The following ADAMTS19 variants were observed in gnomAD, a reference collection of about 807,000 sequenced individuals.
ADAMTS19 encodes the protein ADAM metallopeptidase with thrombospondin type 1 motif 19, also known as A disintegrin and metalloproteinase with thrombospondin motifs 19.
In ADAMTS19, 93 loss-of-function variants were observed where a neutral mutation model predicts 153.3. That is an observed-to-expected ratio of 0.61 (90% CI 0.51 to 0.72). The LOEUF (loss-of-function observed/expected upper bound fraction) is 0.72. Ranked by LOEUF, ADAMTS19 falls within the 30% of genes least tolerant of loss-of-function variation. The pLI is 0.00. For synonymous variants in ADAMTS19, 600 were observed against 556.6 expected (o/e 1.08, Z -1.10); for missense variants, 1,482 against 1,552.1 (o/e 0.95, Z 0.76).
At chr5:129,534,320 C>T (rs1159705697) in intron 6 of ADAMTS19, among the ~76,000 whole-genome samples, 1 of 152,094 alleles carries the variant, frequency 6.6e-6, no homozygotes. Flanking sequence ...ACTAGAAAAT[C>T]TAGAAGAAAT....
intron 21 of ADAMTS19, among the ~76,000 whole-genome samples, chr5:129,709,515 T>A (rs769174927): frequency 6.6e-6 from 1 of 152,158 alleles, no homozygotes; most frequent in Non-Finnish European, 1.5e-5. Flanking sequence ...TCCTAAGTTG[T>A]TAGCACTCTA....
rs142585272 is a variant in ADAMTS19, at chr5:129,586,621, C to T, written c.1373-9938C>T. ...TAAAGCTGCTATAAACATCCATGTG[C>T]AGGATTTTGTATGGACATAAATTTT... On this transcript the variant is annotated intron_variant, in intron 7 of 22. Coordinates refer to ENST00000274487, the MANE Select transcript of ADAMTS19 (RefSeq NM_133638.6). Among the ~76,000 whole-genome samples the T allele has an allele frequency of 3.8e-3, 578 of 152,270 alleles. 5 individuals are homozygous for T. The highest frequency in any genetic ancestry group is 0.013 in the African/African-American group (554 of 41,554).
intron 3 of ADAMTS19, among the ~76,000 whole-genome samples, chr5:129,525,294 A>C (rs975678790): frequency 2.0e-5 from 3 of 152,098 alleles, no homozygotes; most frequent in African/African-American, 7.2e-5. Context: ...ATTTGTCCCC[A>C]CAGTCTTGTC....
At chr5:129,660,915 C>G (rs779828539) in intron 15 of ADAMTS19, among the ~76,000 whole-genome samples, 9 of 152,170 alleles carry the variant, frequency 5.9e-5, no homozygotes, top group Admixed American at 1.3e-4. Context: ...CCTCTTCCTT[C>G]TCTAAGTTCT....
chr5:129,732,813 A>G (rs564369464), intron 21 of ADAMTS19, among the ~76,000 whole-genome samples: 2 of 152,122 alleles, frequency 1.3e-5, no homozygotes, highest in South Asian at 2.1e-4. Flanking sequence ...GGGAAAAAAA[A>G]TCCTGAAATT....
chr5:129,560,665 T>C (rs1354356045), intron 7 of ADAMTS19, among the ~76,000 whole-genome samples: 2 of 152,204 alleles, frequency 1.3e-5, no homozygotes, highest in Non-Finnish European at 2.9e-5. Flanking sequence ...ATTTTCTCAC[T>C]GCTGGAAGTA....
chr5:129,486,241 T>G (rs972504632), intron 2 of ADAMTS19, among the ~76,000 whole-genome samples: 1 of 152,172 alleles, frequency 6.6e-6, no homozygotes, highest in Non-Finnish European at 1.5e-5. Flanking sequence ...TTATTACTTA[T>G]GAGGCCAGAA....
chr5:129,655,629 A>G (rs73232398), intron 14 of ADAMTS19, among the ~76,000 whole-genome samples: 3 of 152,164 alleles, frequency 2.0e-5, no homozygotes, highest in African/African-American at 7.2e-5. Flanking sequence ...AAAATGCACA[A>G]CTGAACACAC....
chr5:129,574,176 T>C (rs905630560), intron 7 of ADAMTS19, among the ~76,000 whole-genome samples: 1 of 152,120 alleles, frequency 6.6e-6, no homozygotes, highest in Non-Finnish European at 1.5e-5. Flanking sequence ...GACCAGCCAA[T>C]ATATGCTTGA....
In ADAMTS19 at chr5:129,712,751, G is replaced by A. The variant is rs117551511; in HGVS notation, c.3312+8360G>A. ...TCAGAGCAGAAATACATTAACTTAA[G>A]GACAATGAGGCACATATGCTGTTAT... On this transcript the variant is annotated intron_variant, in intron 21 of 22. Transcript: ENST00000274487. Among the ~76,000 whole-genome samples the A allele has an allele frequency of 7.1e-4, 108 of 152,124 alleles. No homozygotes were observed. The East Asian group carries it at 0.016, about 23-fold the overall frequency.
chr5:129,541,144 T>C (rs1752640779), intron 6 of ADAMTS19, among the ~76,000 whole-genome samples: 1 of 151,874 alleles, frequency 6.6e-6, no homozygotes, highest in Admixed American at 6.6e-5. Context: ...TGAGAGGTAC[T>C]TCTAGTGTTT....
chr5:129,467,955 TAC>T (rs1006994345), intron 2 of ADAMTS19, among the ~76,000 whole-genome samples: 2 of 152,176 alleles, frequency 1.3e-5, no homozygotes, highest in African/African-American at 4.8e-5. Context: ...CCATACTATT[TAC>T]ACACACACAC....
At chr5:129,478,381 C>T (rs1750295446) in intron 2 of ADAMTS19, among the ~76,000 whole-genome samples, 1 of 152,024 alleles carries the variant, frequency 6.6e-6, no homozygotes, top group Non-Finnish European at 1.5e-5. Flanking sequence ...TTTGAAGGTG[C>T]TATTAAAATT....
intron 6 of ADAMTS19, among the ~76,000 whole-genome samples, chr5:129,531,590 A>G: frequency 6.6e-6 from 1 of 152,206 alleles, no homozygotes; most frequent in Non-Finnish European, 1.5e-5. Flanking sequence ...GCGCTACTGC[A>G]CGCCAGCCTG....
intron 21 of ADAMTS19, among the ~76,000 whole-genome samples, chr5:129,715,655 T>G (rs1164408765): frequency 6.6e-6 from 1 of 152,170 alleles, no homozygotes; most frequent in African/African-American, 2.4e-5. Context: ...CCAGGTTAGT[T>G]TTCTGGCCTG....
chr5:129,490,412 G>A (rs931661757), intron 2 of ADAMTS19, among the ~76,000 whole-genome samples: 1 of 152,158 alleles, frequency 6.6e-6, no homozygotes, highest in African/African-American at 2.4e-5. Flanking sequence ...TCAGAAGAAT[G>A]TGTAGGAAAC....
At chr5:129,720,515 C>G (rs1241451658) in intron 21 of ADAMTS19, among the ~76,000 whole-genome samples, 2 of 152,098 alleles carry the variant, frequency 1.3e-5, no homozygotes, top group Non-Finnish European at 2.9e-5. Context: ...ATTAATAAAT[C>G]CTTATTTTTA....
In ADAMTS19 at chr5:129,603,831, A is replaced by G. The variant is rs147697405; in HGVS notation, c.1478+7167A>G. 5.0e-3 allele frequency among the ~76,000 whole-genome samples: 756 copies of G among 152,316 alleles called. 6 individuals carry two copies. Among genetic ancestry groups the G allele is most frequent in the African/African-American group, 0.017 (703 of 41,574 alleles). ...ACACAGCTAATAAGTGCCTGAATCC[A>G]TGATCAAAGCCAAGTCCATCCAAAT... is the stretch of plus-strand genomic sequence containing the variant. On this transcript the variant is annotated intron_variant, in intron 8 of 22. Coordinates refer to ENST00000274487, the MANE Select transcript of ADAMTS19 (RefSeq NM_133638.6).
At chr5:129,627,719 T>C (rs1752113155) in intron 10 of ADAMTS19, among the ~76,000 whole-genome samples, 1 of 151,720 alleles carries the variant, frequency 6.6e-6, no homozygotes. Context: ...ATTAGATAAA[T>C]ACATATCAAA....
Sources: allele counts gnomAD v4.1 joint callset (sites outside exome capture counted in the v4.1 genomes callset), GRCh38; gene constraint gnomAD v4.1.1; transcripts MANE v1.5; gene names NCBI Gene and HGNC (gene_info 2026-07-23, HGNC 2026-07-21).